The following ADCY7 variants were observed in gnomAD, a reference collection of about 807,000 sequenced individuals.
ADCY7 encodes the protein adenylate cyclase type 7.
A neutral mutation model predicts 120.6 loss-of-function variants in ADCY7; 72 were observed. The ratio of observed to expected loss-of-function variants is 0.60; its 90% confidence interval spans 0.49 to 0.73. The LOEUF (loss-of-function observed/expected upper bound fraction) is 0.73. ADCY7 is among the 30% of genes least tolerant of loss of function. The pLI is 0.00. For synonymous variants in ADCY7, 661 were observed against 628.0 expected (o/e 1.05, Z -0.78); for missense variants, 1,227 against 1,486.0 (o/e 0.83, Z 2.87).
chr16:50,290,878 G>A (rs1596902048), intron 3 of ADCY7, among the ~76,000 whole-genome samples: 1 of 152,220 alleles, frequency 6.6e-6, no homozygotes, highest in African/African-American at 2.4e-5. Context: ...GGTGGCTCCA[G>A]TTTGGTTGGA....
At chr16:50,300,617 T>C in intron 8 of ADCY7, 98 bp from the exon 9 acceptor site, 1 of 1,422,636 alleles carries the variant, frequency 7.0e-7, no homozygotes. Flanking sequence ...GCGCCTGCCC[T>C]GTTCCCACAT....
chr16:50,304,414 G>A lies in ADCY7; in HGVS notation c.1423G>A (p.Ala475Thr), dbSNP rs201661947. 222 of 1,598,274 alleles carry A rather than the reference G, an allele frequency of 1.4e-4. 1 individual carries two copies. The East Asian group carries it at 3.6e-3, about 26-fold the overall frequency. Residue 475 changes from alanine (A) to threonine (T), a missense_variant, in exon 11 of 26, where the codon GCC becomes ACC. Around this residue, in one of 5 missense-constraint regions of ADCY7, gnomAD observed 332 missense variants for 455.8 expected, o/e 0.73. Coordinates refer to ENST00000673801, the MANE Select transcript of ADCY7 (RefSeq NM_001114.5). ...CCTCCCCAGGCCCAAGGGGGACGCG[G>A]CCCTGAAGATGCGGGCGTCAGTGCG... Reference protein sequence around the residue: ...QHLPRPKGDAALKMRASVRMT... With the variant: ...QHLPRPKGDATLKMRASVRMT...
rs2032951781 is a variant in ADCY7 at position 50,257,615 on chromosome 16, A to G, written c.-64+11412A>G. Among the ~76,000 whole-genome samples, 3 of 152,152 alleles carry G rather than the reference A, an allele frequency of 2.0e-5. No individual in the cohort carries two copies. In the South Asian group the frequency reaches 6.2e-4, roughly 31 times the overall value. On this transcript the variant is annotated intron_variant, in intron 1 of 4. Coordinates refer to the ADCY7 transcript ENST00000564044. ...TTACAATAAAATTAAAAAAACAAACATTTTACCACACATATTGCTAAACAT... is the reference window on the plus strand; with the variant it reads ...TTACAATAAAATTAAAAAAACAAACGTTTTACCACACATATTGCTAAACAT...
chr16:50,304,288 T>C, intron 10 of ADCY7, 72 bp from the exon 11 acceptor site: 7 of 1,325,926 alleles, frequency 5.3e-6, no homozygotes, highest in Non-Finnish European at 6.8e-6. Context: ...GAGAGCTGGA[T>C]GGGGATGGCG....
rs762397854 is a variant in ADCY7, at chr16:50,311,798, G to A, written c.2448+12G>A. ...CACTCTCCAGACAGGTAAGGAGGCT[G>A]GCCCCCCCCCCCCCCCCAAGCTCTG... On this transcript the variant is annotated intron_variant, in intron 20 of 25. Transcript: ENST00000673801. 7.5e-7 allele frequency: 1 copy of A among 1,331,856 alleles called. No homozygotes were observed. The highest frequency in any genetic ancestry group is 2.2e-5 in the Admixed American group (1 of 46,332). 82.5% of individuals were successfully genotyped at this position (1,331,856 alleles called of 1,614,324 possible).
At chr16:50,274,856 G>A (rs571458526) in intron 1 of ADCY7, among the ~76,000 whole-genome samples, 1 of 152,290 alleles carries the variant, frequency 6.6e-6, no homozygotes, top group South Asian at 2.1e-4. Flanking sequence ...TGCCCTGGAG[G>A]AGTCAGGCCC....
chr16:50,255,402 G>GAAAAAAAAAAAAAAAAAAAAAAAAA (rs60335173), intron 1 of ADCY7, among the ~76,000 whole-genome samples: 3 of 108,140 alleles, frequency 2.8e-5, no homozygotes, highest in African/African-American at 1.1e-4. Flanking sequence ...TCTGTTTCTG[G>GAAAAAAAAAAAAAAAAAAAAAAAAA]AAAAAAAAAA....
At chr16:50,261,578 T>G (rs2033058922), upstream of ADCY7, among the ~76,000 whole-genome samples, 1 of 152,142 alleles carries the variant, frequency 6.6e-6, no homozygotes, top group Non-Finnish European at 1.5e-5. Context: ...GCTGGCCTCC[T>G]CCCTGCTGGC....
upstream of ADCY7, among the ~76,000 whole-genome samples, chr16:50,245,304 C>T (rs1302136190): frequency 5.9e-5 from 9 of 152,192 alleles, no homozygotes; most frequent in Non-Finnish European, 8.8e-5. Flanking sequence ...TCTGTAACCC[C>T]TCTCAGTGAA....
At chr16:50,255,314 A>G (rs2032879058) in intron 1 of ADCY7, among the ~76,000 whole-genome samples, 1 of 141,784 alleles carries the variant, frequency 7.1e-6, no homozygotes, top group South Asian at 2.2e-4. Flanking sequence ...ATATATTTAT[A>G]ATTTCTTTTT....
intron 2 of ADCY7, chr16:50,289,192 GT>G (rs375075741): frequency 5.7e-4 from 176 of 307,184 alleles, no homozygotes; most frequent in Middle Eastern, 2.2e-3. Context: ...TCCTCCTTTT[GT>G]TTTTTTTTTG....
chr16:50,291,863 G>C lies in ADCY7; in HGVS notation c.503G>C (p.Gly168Ala). Reference protein sequence around the residue: ...HLLVLGSLMGGFTTPSVRVGL... With the variant: ...HLLVLGSLMGAFTTPSVRVGL... ...CTGGTGCTCGGTTCTTTGATGGGAG[G>C]CTTCACGACACCCAGTGTCCGGGTG... The change falls in exon 4 of 26, where the codon GGC becomes GCC. Residue 168 changes from glycine to alanine, a missense_variant. Transcript: ENST00000673801. 1 of 1,613,732 alleles carries C rather than the reference G, an allele frequency of 6.2e-7. No homozygotes were observed. The highest frequency in any genetic ancestry group is 8.5e-7 in the Non-Finnish European group (1 of 1,179,760).
chr16:50,312,226 G>A (rs2151092297), intron 21 of ADCY7, 35 bp downstream of exon 21: 2 of 1,611,698 alleles, frequency 1.2e-6, no homozygotes, highest in East Asian at 2.2e-5. Flanking sequence ...GGGGCAGGGA[G>A]GCGGACGGTC....
chr16:50,311,952 A>G, intron 20 of ADCY7, 84 bp from the exon 21 acceptor site: 1 of 1,578,318 alleles, frequency 6.3e-7, no homozygotes, highest in Non-Finnish European at 8.7e-7. Context: ...GACGCCAGGG[A>G]CAGACAGACC....
At chr16:50,255,034 C>G (rs573429879) in intron 1 of ADCY7, among the ~76,000 whole-genome samples, 90 of 148,674 alleles carry the variant, frequency 6.1e-4, no homozygotes, top group African/African-American at 2.2e-3. Flanking sequence ...GCCTGTAATT[C>G]TAGCATTTTG....
At chr16:50,306,673 G>T (rs1425959655) in intron 14 of ADCY7, among the ~76,000 whole-genome samples, 3 of 152,182 alleles carry the variant, frequency 2.0e-5, no homozygotes, top group Non-Finnish European at 4.4e-5. Context: ...ATGTACTTGG[G>T]GCCATGAGCT....
chr16:50,248,866 C>T (rs936078356), intron 1 of ADCY7, among the ~76,000 whole-genome samples: 6 of 152,298 alleles, frequency 3.9e-5, no homozygotes, highest in East Asian at 1.9e-4. Flanking sequence ...CCTAACAGAA[C>T]GGCCTGGGAC....
chr16:50,305,053 A>C (rs1264251661), intron 12 of ADCY7, 94 bp downstream of exon 12: 3 of 1,505,612 alleles, frequency 2.0e-6, no homozygotes, highest in East Asian at 4.5e-5. Context: ...CAGCTCCGCA[A>C]GGCCCAGCCC....
chr16:50,304,612 T>A (rs961830695), intron 11 of ADCY7, 61 bp downstream of exon 11: 3 of 1,455,364 alleles, frequency 2.1e-6, no homozygotes, highest in Middle Eastern at 1.8e-4. Flanking sequence ...AGCAGGAGAG[T>A]GAGTGCTGAA....
Sources: gnomAD v4.1 joint callset for allele counts (sites outside exome capture counted in the v4.1 genomes callset) on GRCh38, gnomAD v4.1.1 for gene constraint, gnomAD v4.1.1 regional missense constraint, MANE v1.5 for transcripts, NCBI Gene and HGNC (gene_info 2026-07-23, HGNC 2026-07-21) for gene names.